LUC7L2: variants seen among roughly 807,000 people sequenced by gnomAD.
The protein encoded by LUC7L2 is putative RNA-binding protein Luc7-like 2.
LUC7L2 carries 25 observed loss-of-function variants against 52.8 expected under a neutral mutation model. That is an observed-to-expected ratio of 0.47 (90% CI 0.34 to 0.66). LUC7L2 has a LOEUF of 0.66. Ranked by LOEUF, LUC7L2 falls within the 30% of genes least tolerant of loss-of-function variation. LUC7L2 has a pLI of 0.01. For synonymous variants in LUC7L2, 144 were observed against 160.9 expected (o/e 0.89, Z 0.80); for missense variants, 328 against 497.8 (o/e 0.66, Z 3.25).
chr7:139,386,444 G>A (rs1341741128), intron 2 of LUC7L2, among the ~76,000 whole-genome samples: 4 of 125,850 alleles, frequency 3.2e-5, no homozygotes, highest in African/African-American at 6.9e-5. Context: ...TCACTCTGTC[G>A]TCCAGGCTGG....
intron 1 of LUC7L2, among the ~76,000 whole-genome samples, chr7:139,350,736 T>C (rs1388051999): frequency 2.0e-5 from 3 of 151,304 alleles, no homozygotes; most frequent in Admixed American, 6.6e-5. Context: ...AGTGCAGTGG[T>C]GCGATCTTGG....
chr7:139,364,932 T>C (rs1237741454), intron 1 of LUC7L2, among the ~76,000 whole-genome samples: 2 of 152,248 alleles, frequency 1.3e-5, no homozygotes, highest in Non-Finnish European at 2.9e-5. Context: ...CTTGGATTGT[T>C]CATTTTAAGT....
At chr7:139,352,100 TA>T (rs1563251360) in intron 1 of LUC7L2, among the ~76,000 whole-genome samples, 1 of 151,890 alleles carries the variant, frequency 6.6e-6, no homozygotes, top group Non-Finnish European at 1.5e-5. Context: ...GAGGCCGAGG[TA>T]GGAAGATCAC....
At chr7:139,342,346 A>G (rs896684760) in intron 1 of LUC7L2, among the ~76,000 whole-genome samples, 4 of 152,178 alleles carry the variant, frequency 2.6e-5, no homozygotes, top group Admixed American at 6.5e-5. Context: ...CTGAAGGCTA[A>G]TTTGGAGTTA....
chr7:139,364,969 C>T (rs369294742), intron 1 of LUC7L2, among the ~76,000 whole-genome samples: 9 of 152,314 alleles, frequency 5.9e-5, no homozygotes, highest in East Asian at 5.8e-4. Flanking sequence ...TTAATGTATA[C>T]GCAGACATTT....
rs191381432 is a variant in LUC7L2 at position 139,371,620 on chromosome 7, A to G, written c.62-4442A>G. 3.9e-5 allele frequency among the ~76,000 whole-genome samples: 6 copies of G among 152,272 alleles called. No individual in the cohort carries two copies. The East Asian group carries it at 1.2e-3, about 29-fold the overall frequency. On this transcript the variant is annotated intron_variant, in intron 1 of 9. Coordinates refer to ENST00000354926, the MANE Select transcript of LUC7L2 (RefSeq NM_016019.5). ...AAAGTATAAAATCATGTCAGATACT[A>G]CCTAGGCTAAGGTTGTAATGTTACT...
intron 9 of LUC7L2, 58 bp downstream of exon 9, chr7:139,417,787 G>A (rs1795690392): frequency 1.9e-6 from 3 of 1,546,838 alleles, no homozygotes; most frequent in Admixed American, 2.0e-5. Flanking sequence ...AGTTGTTTAT[G>A]TTTACTTATG....
intron 2 of LUC7L2, among the ~76,000 whole-genome samples, chr7:139,391,878 C>T (rs766399103): frequency 6.6e-6 from 1 of 152,162 alleles, no homozygotes; most frequent in African/African-American, 2.4e-5. Flanking sequence ...TGAGCCACCA[C>T]GCCCGGCCTG....
intron 9 of LUC7L2, among the ~76,000 whole-genome samples, chr7:139,419,986 A>G (rs972399318): frequency 3.3e-5 from 5 of 152,166 alleles, no homozygotes; most frequent in African/African-American, 1.2e-4. Flanking sequence ...TTTCAAGGTA[A>G]AAGTTCTTAT....
At chr7:139,395,476 A>G (rs1569384523) in intron 2 of LUC7L2, among the ~76,000 whole-genome samples, 1 of 152,200 alleles carries the variant, frequency 6.6e-6, no homozygotes, top group African/African-American at 2.4e-5. Context: ...ATGCTCAGTA[A>G]CAGTACAGTA....
upstream of LUC7L2, among the ~76,000 whole-genome samples, chr7:139,355,974 G>A (rs1246055012): frequency 6.6e-6 from 1 of 152,282 alleles, no homozygotes; most frequent in Non-Finnish European, 1.5e-5. Flanking sequence ...CTTCTTAGGA[G>A]CAGTGGAAGG....
chr7:139,364,689 A>G (rs1049446321), intron 1 of LUC7L2, among the ~76,000 whole-genome samples: 1 of 152,258 alleles, frequency 6.6e-6, no homozygotes, highest in Non-Finnish European at 1.5e-5. Flanking sequence ...TTAGTAGTAC[A>G]TAACCGTGTA....
At chr7:139,392,440 A>G (rs1002118123) in intron 2 of LUC7L2, 28 of 400,024 alleles carry the variant, frequency 7.0e-5, no homozygotes, top group African/African-American at 4.2e-4. Context: ...TAGTAAAACA[A>G]TATAAAATGC....
chr7:139,364,483 A>G (rs1800045580), intron 1 of LUC7L2, among the ~76,000 whole-genome samples: 1 of 152,222 alleles, frequency 6.6e-6, no homozygotes, highest in Non-Finnish European at 1.5e-5. Flanking sequence ...AAAACTTTCA[A>G]TAATTTTAAC....
intron 1 of LUC7L2, among the ~76,000 whole-genome samples, chr7:139,362,698 A>T (rs1799949967): frequency 6.7e-6 from 1 of 150,370 alleles, no homozygotes; most frequent in African/African-American, 2.5e-5. Context: ...TCAAGGTGGC[A>T]GTGACCCCCT....
At position 139,396,944 on chromosome 7, in the gene LUC7L2, A is replaced by G. The variant is rs912627301; in HGVS notation, c.157-1655A>G. Among the ~76,000 whole-genome samples, 5 of 152,210 alleles carry G rather than the reference A, an allele frequency of 3.3e-5. No homozygotes were observed. In the East Asian group the frequency reaches 5.8e-4, roughly 18 times the overall value. Reference sequence around the variant, plus strand: ...ATTTCTTTTAAATTTTATCTGGTCTATTAATACTTTTGAATCTTGATCTCG... The same window carrying G: ...ATTTCTTTTAAATTTTATCTGGTCTGTTAATACTTTTGAATCTTGATCTCG... On this transcript the variant is annotated intron_variant, in intron 2 of 9. Coordinates refer to ENST00000354926, the MANE Select transcript of LUC7L2 (RefSeq NM_016019.5).
At chr7:139,375,096 A>G in intron 1 of LUC7L2, 1 of 984,354 alleles carries the variant, frequency 1.0e-6, no homozygotes, top group Non-Finnish European at 1.2e-6. Context: ...CATTCTATAT[A>G]GAAAGAGGAA....
At chr7:139,359,843 G>A, upstream of LUC7L2, 2 of 406,994 alleles carry the variant, frequency 4.9e-6, no homozygotes, top group Non-Finnish European at 8.7e-6. Context: ...ACAGCTGGAC[G>A]CCAGTTGGTG....
intron 2 of LUC7L2, among the ~76,000 whole-genome samples, chr7:139,385,401 A>G (rs1256691705): frequency 1.3e-5 from 2 of 149,420 alleles, no homozygotes; most frequent in Non-Finnish European, 1.5e-5. Context: ...TAGCCAGTGC[A>G]GTCTTGAACT....
Sources: allele counts gnomAD v4.1 joint callset (sites outside exome capture counted in the v4.1 genomes callset), GRCh38; gene constraint gnomAD v4.1.1; transcripts MANE v1.5; gene names NCBI Gene and HGNC (gene_info 2026-07-23, HGNC 2026-07-21).